ARHGAP15: variants seen among roughly 807,000 people sequenced by gnomAD.
ARHGAP15 encodes the protein Rho GTPase activating protein 15.
In ARHGAP15, 51 loss-of-function variants were observed where a neutral mutation model predicts 63.7. The observed-to-expected ratio is 0.80, with a 90% confidence interval of 0.64 to 1.01. ARHGAP15 has a LOEUF of 1.01. ARHGAP15 is among the 50% of genes least tolerant of loss of function. The pLI is 0.00. For missense variants in ARHGAP15, 560 were observed against 564.6 expected (o/e 0.99, Z 0.08); for synonymous variants, 191 against 193.8 (o/e 0.99, Z 0.12).
At chr2:143,531,309 G>C (rs1694516201) in intron 10 of ARHGAP15, among the ~76,000 whole-genome samples, 2 of 152,126 alleles carry the variant, frequency 1.3e-5, no homozygotes, top group African/African-American at 2.4e-5. Context: ...AGTAATGTCT[G>C]ATTCATGGTG....
intron 13 of ARHGAP15, among the ~76,000 whole-genome samples, chr2:143,744,422 G>A (rs188696505): frequency 1.2e-4 from 18 of 152,326 alleles, no homozygotes; most frequent in African/African-American, 4.3e-4. Context: ...AAGTAATAAT[G>A]AGTGCGAGTT....
intron 11 of ARHGAP15, among the ~76,000 whole-genome samples, chr2:143,595,759 T>C (rs1383401406): frequency 6.6e-6 from 1 of 152,104 alleles, no homozygotes; most frequent in Non-Finnish European, 1.5e-5. Context: ...CTAAGTCCTC[T>C]GAGATGCATA....
At chr2:143,322,672 T>G (rs548687507) in intron 6 of ARHGAP15, among the ~76,000 whole-genome samples, 2 of 152,364 alleles carry the variant, frequency 1.3e-5, no homozygotes, top group South Asian at 4.1e-4. Flanking sequence ...AAGTCAGCAT[T>G]ACCGTGGATA....
chr2:143,484,329 G>T (rs1692213668), intron 8 of ARHGAP15, among the ~76,000 whole-genome samples: 1 of 144,706 alleles, frequency 6.9e-6, no homozygotes, highest in South Asian at 2.2e-4. Flanking sequence ...TCGCACCACT[G>T]CACTCCAGCG....
In ARHGAP15 at chr2:143,178,655, C is replaced by T. The variant is rs778837734; in HGVS notation, c.165+23000C>T. On this transcript the variant is annotated intron_variant, in intron 2 of 13. Coordinates refer to ENST00000295095, the MANE Select transcript of ARHGAP15 (RefSeq NM_018460.4). ...TATTATTTTTTGTAGAGATGTGTCTCGCTGTGTTGCCCTGGCTGGTCTCAA... is the reference window on the plus strand; with the variant it reads ...TATTATTTTTTGTAGAGATGTGTCTTGCTGTGTTGCCCTGGCTGGTCTCAA... 9.2e-5 allele frequency among the ~76,000 whole-genome samples: 14 copies of T among 152,130 alleles called. No individual in the cohort carries two copies. The South Asian group carries it at 1.2e-3, about 14-fold the overall frequency.
intron 6 of ARHGAP15, among the ~76,000 whole-genome samples, chr2:143,335,518 G>A (rs1386029662): frequency 6.6e-6 from 1 of 152,058 alleles, no homozygotes; most frequent in Non-Finnish European, 1.5e-5. Flanking sequence ...CACGCTTTGG[G>A]GAATTTCATA....
intron 2 of ARHGAP15, among the ~76,000 whole-genome samples, chr2:143,156,042 A>T (rs1690064834): frequency 6.8e-6 from 1 of 146,090 alleles, no homozygotes; most frequent in Non-Finnish European, 1.5e-5. Flanking sequence ...GAGAAAAAAA[A>T]AAATCTCAAA....
At chr2:143,227,878 A>T (rs1693278071) in intron 4 of ARHGAP15, among the ~76,000 whole-genome samples, 2 of 151,924 alleles carry the variant, frequency 1.3e-5, no homozygotes, top group African/African-American at 2.4e-5. Context: ...TTTAGCCAAA[A>T]GATATACACA....
At chr2:143,667,582 T>TAAAAAAAAAAAAAAAAAAAAAAA (rs71338146) in intron 12 of ARHGAP15, among the ~76,000 whole-genome samples, 2 of 138,950 alleles carry the variant, frequency 1.4e-5, no homozygotes, top group African/African-American at 5.7e-5. Flanking sequence ...TAAAAAAAAT[T>TAAAAAAAAAAAAAAAAAAAAAAA]AAAAAAAAAA....
intron 1 of ARHGAP15, among the ~76,000 whole-genome samples, chr2:143,139,392 A>G (rs931852708): frequency 2.0e-5 from 3 of 152,048 alleles, no homozygotes; most frequent in South Asian, 2.1e-4. Context: ...CATGGTCACT[A>G]TTGGTCATCT....
intron 6 of ARHGAP15, among the ~76,000 whole-genome samples, chr2:143,261,730 G>T (rs984506654): frequency 6.6e-6 from 1 of 152,140 alleles, no homozygotes; most frequent in Non-Finnish European, 1.5e-5. Context: ...CTTAGGCTAG[G>T]TTCCCCTGAA....
intron 10 of ARHGAP15, among the ~76,000 whole-genome samples, chr2:143,538,917 C>G (rs1694908248): frequency 6.6e-6 from 1 of 152,198 alleles, no homozygotes; most frequent in Admixed American, 6.5e-5. Flanking sequence ...GGAGGATTCC[C>G]TCTTTTTCTC....
chr2:143,559,237 A>G (rs1314050420), intron 11 of ARHGAP15, among the ~76,000 whole-genome samples: 2 of 152,196 alleles, frequency 1.3e-5, no homozygotes, highest in Admixed American at 1.3e-4. Flanking sequence ...CTTTAAAAAA[A>G]CTATGCTCAG....
chr2:143,732,937 A>G (rs1574906449), intron 13 of ARHGAP15, among the ~76,000 whole-genome samples: 1 of 126,834 alleles, frequency 7.9e-6, no homozygotes, highest in Non-Finnish European at 1.6e-5. Context: ...TTTTGAGCAC[A>G]CCAGATGGCA....
chr2:143,530,559 A>G (rs1694480642), intron 10 of ARHGAP15, among the ~76,000 whole-genome samples: 1 of 152,104 alleles, frequency 6.6e-6, no homozygotes, highest in Non-Finnish European at 1.5e-5. Context: ...TCTTTTTTAT[A>G]TAAACCTTCA....
chr2:143,270,984 A>G (rs891626611), intron 6 of ARHGAP15, among the ~76,000 whole-genome samples: 21 of 152,190 alleles, frequency 1.4e-4, no homozygotes, highest in African/African-American at 4.6e-4. Flanking sequence ...ATGTTTTTCA[A>G]TCTTCACAAA....
At chr2:143,157,596 T>C (rs1690131449) in intron 2 of ARHGAP15, among the ~76,000 whole-genome samples, 1 of 151,788 alleles carries the variant, frequency 6.6e-6, no homozygotes, top group South Asian at 2.1e-4. Flanking sequence ...GCTCAGTGCA[T>C]AATTATATAA....
chr2:143,153,864 C>CTCT (rs1689965228), intron 1 of ARHGAP15, among the ~76,000 whole-genome samples: 6 of 82,272 alleles, frequency 7.3e-5, no homozygotes, highest in Admixed American at 3.3e-4. Flanking sequence ...CCTCCTCCTC[C>CTCT]TCCTCCTCTT....
chr2:143,425,762 T>TTA (rs10630295), intron 6 of ARHGAP15, among the ~76,000 whole-genome samples: 136,472 of 151,998 alleles, frequency 0.9, 61,538 homozygotes, highest in Middle Eastern at 0.97. Context: ...GATAGTTAGT[T>TTA]TCATTCCTAA....
Sources: gnomAD v4.1 joint callset for allele counts (sites outside exome capture counted in the v4.1 genomes callset) on GRCh38, gnomAD v4.1.1 for gene constraint, MANE v1.5 for transcripts, NCBI Gene and HGNC (gene_info 2026-07-23, HGNC 2026-07-21) for gene names.